CPNE4: variants seen among roughly 807,000 people sequenced by gnomAD.
The protein encoded by CPNE4 is copine-4.
In CPNE4, 25 loss-of-function variants were observed where a neutral mutation model predicts 67.9. That is an observed-to-expected ratio of 0.37 (90% CI 0.27 to 0.51). The LOEUF (loss-of-function observed/expected upper bound fraction) is 0.51. CPNE4 is among the 20% of genes least tolerant of loss of function. The pLI, the probability that CPNE4 is intolerant of heterozygous loss-of-function variation, is 0.93. For synonymous variants in CPNE4, 242 were observed against 244.9 expected (o/e 0.99, Z 0.11); for missense variants, 464 against 690.8 (o/e 0.67, Z 3.68).
chr3:131,918,164 C>T (rs2070628682), intron 1 of CPNE4, among the ~76,000 whole-genome samples: 2 of 152,134 alleles, frequency 1.3e-5, no homozygotes, highest in African/African-American at 4.8e-5. Flanking sequence ...GATTGCACAA[C>T]CCAAAAATGG....
intron 5 of CPNE4, among the ~76,000 whole-genome samples, chr3:131,694,094 A>G (rs1218779599): frequency 6.6e-6 from 1 of 152,186 alleles, no homozygotes; most frequent in African/African-American, 2.4e-5. Flanking sequence ...GCATCCTACA[A>G]CCACCGTCTG....
intron 7 of CPNE4, among the ~76,000 whole-genome samples, chr3:131,626,594 G>A (rs758250805): frequency 2.0e-5 from 3 of 152,192 alleles, no homozygotes; most frequent in Admixed American, 6.5e-5. Context: ...TGAGGTTTAA[G>A]GAAAGAAGCT....
chr3:131,897,994 G>A (rs1462796861), intron 2 of CPNE4, among the ~76,000 whole-genome samples: 2 of 152,006 alleles, frequency 1.3e-5, no homozygotes, highest in East Asian at 1.9e-4. Context: ...TATATAAAGT[G>A]CTTAGGAGAG....
At chr3:131,805,367 C>T (rs1329112883) in intron 2 of CPNE4, among the ~76,000 whole-genome samples, 1 of 152,158 alleles carries the variant, frequency 6.6e-6, no homozygotes, top group Non-Finnish European at 1.5e-5. Context: ...AACCACAAGC[C>T]AGTGATTTCA....
chr3:131,953,328 T>TC (rs2071836852), intron 1 of CPNE4, among the ~76,000 whole-genome samples: 1 of 151,938 alleles, frequency 6.6e-6, no homozygotes, highest in African/African-American at 2.4e-5. Context: ...TTTCAGTTTT[T>TC]CCCCATTTAA....
At chr3:132,030,273 A>C (rs1182995157) in intron 1 of CPNE4, among the ~76,000 whole-genome samples, 2 of 152,238 alleles carry the variant, frequency 1.3e-5, no homozygotes, top group African/African-American at 4.8e-5. Flanking sequence ...GATTTTGAGA[A>C]GTCACTTATT....
At chr3:131,892,650 A>G (rs749707993) in intron 2 of CPNE4, among the ~76,000 whole-genome samples, 5 of 152,154 alleles carry the variant, frequency 3.3e-5, no homozygotes, top group Non-Finnish European at 7.4e-5. Flanking sequence ...AGGAACACAT[A>G]ATGGATTTTT....
intron 1 of CPNE4, among the ~76,000 whole-genome samples, chr3:131,942,421 CGTGTGTGTGTGTGTGTGT>C (rs745460930): frequency 5.6e-5 from 5 of 89,708 alleles, no homozygotes; most frequent in East Asian, 3.2e-4. Context: ...CTAGCTTCCT[CGTGTGTGTGTGTGTGTGT>C]GTGTGTGTGT....
chr3:131,869,183 T>C (rs1449702785), intron 2 of CPNE4, among the ~76,000 whole-genome samples: 1 of 152,146 alleles, frequency 6.6e-6, no homozygotes, highest in African/African-American at 2.4e-5. Context: ...TTTCATTTTT[T>C]TAAACACCTG....
intron 2 of CPNE4, among the ~76,000 whole-genome samples, chr3:131,746,479 G>A (rs924914229): frequency 5.9e-5 from 9 of 152,008 alleles, no homozygotes; most frequent in African/African-American, 2.2e-4. Flanking sequence ...CTACCTCCAT[G>A]AGAACAACTT....
chr3:131,586,841 G>T (rs1259038646), intron 8 of CPNE4, among the ~76,000 whole-genome samples: 1 of 152,086 alleles, frequency 6.6e-6, no homozygotes, highest in Non-Finnish European at 1.5e-5. Flanking sequence ...TTTCTGTGTG[G>T]GACAGTGTGT....
At chr3:131,781,184 C>A (rs2083425301) in intron 2 of CPNE4, among the ~76,000 whole-genome samples, 1 of 152,110 alleles carries the variant, frequency 6.6e-6, no homozygotes. Context: ...TGGTCCCACT[C>A]TACCAAGAAC....
At chr3:131,818,413 T>G (rs1260307746) in intron 2 of CPNE4, among the ~76,000 whole-genome samples, 3 of 152,180 alleles carry the variant, frequency 2.0e-5, no homozygotes, top group African/African-American at 7.2e-5. Context: ...GTGTGAATTT[T>G]TGTGCTCTTC....
At chr3:131,807,370 T>G (rs113972569) in intron 2 of CPNE4, among the ~76,000 whole-genome samples, 4,444 of 152,312 alleles carry the variant, frequency 0.029, 230 homozygotes, top group African/African-American at 0.1. Context: ...TATAATTTTA[T>G]ACTTTTTAAA....
chr3:131,850,214 C>T (rs1158581782), intron 2 of CPNE4, among the ~76,000 whole-genome samples: 1 of 151,944 alleles, frequency 6.6e-6, no homozygotes, highest in African/African-American at 2.4e-5. Flanking sequence ...AAAATAGTGC[C>T]TTCTCTTTCT....
intron 6 of CPNE4, among the ~76,000 whole-genome samples, chr3:131,676,934 G>A (rs530583203): frequency 1.4e-4 from 21 of 151,964 alleles, no homozygotes; most frequent in African/African-American, 4.8e-4. Flanking sequence ...GTTCTGTCTC[G>A]AGGTTTTTGA....
At chr3:131,999,241 T>TAAAAGAAAAAAAAA (rs2073367842) in intron 1 of CPNE4, among the ~76,000 whole-genome samples, 1 of 98,834 alleles carries the variant, frequency 1.0e-5, no homozygotes, top group African/African-American at 5.4e-5. Context: ...TTATCCAAGG[T>TAAAAGAAAAAAAAA]AAAAAAAAAA....
At chr3:132,011,394 C>G (rs921967317) in intron 1 of CPNE4, among the ~76,000 whole-genome samples, 1 of 152,184 alleles carries the variant, frequency 6.6e-6, no homozygotes, top group African/African-American at 2.4e-5. Context: ...TTTCACACTC[C>G]GTTGCTAAGT....
At chr3:131,562,668 G>A (rs569205159) in intron 11 of CPNE4, among the ~76,000 whole-genome samples, 49 of 151,998 alleles carry the variant, frequency 3.2e-4, no homozygotes, top group African/African-American at 1.1e-3. Context: ...TCTTGGGGAC[G>A]TTTGGAGAAG....
Sources: allele counts gnomAD v4.1 joint callset (sites outside exome capture counted in the v4.1 genomes callset), GRCh38; gene constraint gnomAD v4.1.1; transcripts MANE v1.5; gene names NCBI Gene and HGNC (gene_info 2026-07-23, HGNC 2026-07-21).